DNAH17: variants seen among roughly 807,000 people sequenced by gnomAD.
DNAH17 encodes axonemal beta dynein heavy chain 17.
A neutral mutation model predicts 485.6 loss-of-function variants in DNAH17; 376 were observed. The ratio of observed to expected loss-of-function variants is 0.77; its 90% CI spans 0.71 to 0.84. The LOEUF (loss-of-function observed/expected upper bound fraction) is 0.84. Ranked by LOEUF, DNAH17 falls within the 40% of genes least tolerant of loss-of-function variation. The pLI is 0.00. For missense variants in DNAH17, 6,370 were observed against 5,839.3 expected, an observed-to-expected ratio of 1.09 and a Z score of -2.96; for synonymous variants, 3,031 against 2,405.9, an observed-to-expected ratio of 1.26 and a Z score of -7.60.
chr17:78,569,826 T>C (rs2092324487), intron 7 of DNAH17, among the ~76,000 whole-genome samples: 1 of 152,154 alleles, frequency 6.6e-6, no homozygotes, highest in South Asian at 2.1e-4. Flanking sequence ...AGCATGGTTT[T>C]ATTATATAGA....
intron 55 of DNAH17, 68 bp from the exon 56 acceptor site, chr17:78,466,884 GCAGAAAGCTCTGC>G (rs1400942447): frequency 1.4e-5 from 20 of 1,417,902 alleles, no homozygotes; most frequent in Non-Finnish European, 1.8e-5. Flanking sequence ...CCATCACTCT[GCAGAAAGCTCTGC>G]CAGAAAGCAA....
chr17:78,487,795 G>A (rs979263297), intron 44 of DNAH17, among the ~76,000 whole-genome samples: 7 of 152,152 alleles, frequency 4.6e-5, no homozygotes, highest in African/African-American at 1.4e-4. Flanking sequence ...AAAGTGCTGC[G>A]ATTACAGACA....
rs144054689 is a variant in DNAH17, at chr17:78,432,909, C to CG, written c.12225+1119_12225+1120insC. ...AGAGCAGGCTTCAAACGTGCCCCCC[C>CG]CCCCCGACCCCGGTGCCAGCACCGT... On this transcript the variant is annotated intron_variant, in intron 75 of 80. Coordinates refer to ENST00000389840, the MANE Select transcript of DNAH17 (RefSeq NM_173628.4). Among the ~76,000 whole-genome samples, 26 of 120,750 alleles carry CG rather than the reference C, an allele frequency of 2.2e-4. 2 individuals are homozygous for CG. Among genetic ancestry groups the CG allele is most frequent in the South Asian group, 6.3e-4 (2 of 3,150 alleles). The allele number at this position is 120,750 out of a possible 152,430, so 79.2% of individuals were successfully genotyped here. A position where few individuals can be genotyped will look rare whatever the true frequency, so the allele number is the denominator to read the frequency against.
intron 19 of DNAH17, among the ~76,000 whole-genome samples, chr17:78,535,724 C>G (rs911679790): frequency 3.3e-5 from 5 of 152,188 alleles, no homozygotes; most frequent in African/African-American, 1.2e-4. Context: ...AAGCACTCAC[C>G]CAGATTTTTG....
In DNAH17 at chr17:78,536,799, G is replaced by T. The variant is rs183020526; in HGVS notation, c.2859+500C>A. 5.9e-4 allele frequency among the ~76,000 whole-genome samples: 90 copies of T among 152,262 alleles called. 1 individual carries two copies. The highest frequency in any genetic ancestry group is 1.1e-3 in the Non-Finnish European group (78 of 68,024). ...GAAACCCAGGCAGGTTGACTGAGAA[G>T]AAGCTGCTTTGGGAAGGACGACAGA... On this transcript the variant is annotated intron_variant, in intron 19 of 80. Transcript: ENST00000389840.
chr17:78,450,799 C>G lies in DNAH17; in HGVS notation c.10782G>C (p.Glu3594Asp). Residue 3594 changes from glutamate (E) to aspartate (D), a missense_variant, in exon 67 of 81, where the codon GAG becomes GAC. Glu to Asp is a conservative substitution (Grantham distance 45, BLOSUM62 2). Coordinates refer to ENST00000389840, the MANE Select transcript of DNAH17 (RefSeq NM_173628.4). Reference sequence around the variant, plus strand: ...GACGGGCCAGGAGCGAATCTTCCAGCTCTTTCAGAACAATCTTAAATTCGT... The same window carrying G: ...GACGGGCCAGGAGCGAATCTTCCAGGTCTTTCAGAACAATCTTAAATTCGT... ...SQNEFKIVLK[E>D]LEDSLLARLS... The G allele has an allele frequency of 6.2e-7, 1 of 1,614,062 alleles. No individual in the cohort carries two copies. The highest frequency in any genetic ancestry group is 8.5e-7 in the Non-Finnish European group (1 of 1,179,910).
rs1285057732 is a variant in DNAH17, at chr17:78,474,987, G to GTCATGCGGGCCGGAAGGTTTCACACC, written c.8511+290_8511+291insGGTGTGAAACCTTCCGGCCCGCATGA. Among the ~76,000 whole-genome samples the GTCATGCGGGCCGGAAGGTTTCACACC allele has an allele frequency of 2.7e-3, 315 of 116,364 alleles. 42 individuals carry two copies. Among genetic ancestry groups the GTCATGCGGGCCGGAAGGTTTCACACC allele is most frequent in the Middle Eastern group, 0.011 (2 of 180 alleles). The allele number at this position is 116,364 out of a possible 152,430, so 76.3% of individuals were successfully genotyped here. The stretch of plus-strand genomic sequence containing the variant: ...TCACATGGGCTGGAAGGTTTCACAC[G>GTCATGCGGGCCGGAAGGTTTCACACC]CTTCACCTCAGTCACATGGACATGC... On this transcript the variant is annotated intron_variant, in intron 54 of 80. Transcript: ENST00000389840.
intron 48 of DNAH17, 142 bp from the exon 49 acceptor site, chr17:78,480,928 T>A (rs1234138020): frequency 7.8e-6 from 5 of 641,766 alleles, no homozygotes; most frequent in Non-Finnish European, 1.4e-5. Flanking sequence ...TGGAGTGCAG[T>A]GGCACAATCT....
intron 7 of DNAH17, among the ~76,000 whole-genome samples, chr17:78,569,766 T>C (rs533672114): frequency 2.0e-5 from 3 of 152,314 alleles, no homozygotes; most frequent in South Asian, 4.1e-4. Flanking sequence ...TGAGAGGCCC[T>C]CCAGGGACAG....
intron 22 of DNAH17, 50 bp downstream of exon 22, chr17:78,529,422 G>T (rs1278435635): frequency 1.9e-6 from 3 of 1,589,984 alleles, no homozygotes; most frequent in African/African-American, 1.3e-5. Context: ...TCGCGGCCGG[G>T]ATGGCTCTCC....
chr17:78,572,599 G>T, intron 3 of DNAH17, 102 bp downstream of exon 3: 2 of 1,103,810 alleles, frequency 1.8e-6, no homozygotes, highest in Non-Finnish European at 2.5e-6. Flanking sequence ...ACTCTGCAGG[G>T]AAACAACGGG....
At chr17:78,458,365 C>T (rs1445551797) in intron 62 of DNAH17, 200 bp downstream of exon 62, 15 of 591,304 alleles carry the variant, frequency 2.5e-5, no homozygotes, top group Middle Eastern at 4.5e-4. Flanking sequence ...TGGAACCACG[C>T]GACAGGGCAT....
At chr17:78,468,477 A>G in intron 55 of DNAH17, 140 bp downstream of exon 55, 1 of 1,155,724 alleles carries the variant, frequency 8.7e-7, no homozygotes, top group East Asian at 2.6e-5. Flanking sequence ...AGACAGCCCC[A>G]CCCCTCACAC....
At chr17:78,551,336 T>G (rs1477684471) in intron 16 of DNAH17, among the ~76,000 whole-genome samples, 199 bp downstream of exon 16, 1 of 152,228 alleles carries the variant, frequency 6.6e-6, no homozygotes, top group East Asian at 1.9e-4. Flanking sequence ...GGAGCAGAAC[T>G]GAATTTCACA....
At chr17:78,551,497 C>T (rs1334217413) in intron 16 of DNAH17, 38 bp downstream of exon 16, 2 of 1,596,960 alleles carry the variant, frequency 1.3e-6, no homozygotes, top group Non-Finnish European at 1.7e-6. Context: ...GCCCCAGGCC[C>T]CCACAAAGCC....
chr17:78,545,507 C>T (rs986254853), intron 16 of DNAH17, among the ~76,000 whole-genome samples: 1 of 152,096 alleles, frequency 6.6e-6, no homozygotes, highest in African/African-American at 2.4e-5. Flanking sequence ...TGTGACCTCA[C>T]ATGGCGGAGG....
intron 75 of DNAH17, among the ~76,000 whole-genome samples, chr17:78,431,527 C>A (rs929339828): frequency 2.0e-5 from 3 of 151,100 alleles, no homozygotes; most frequent in African/African-American, 7.3e-5. Context: ...CTCTGTGTTT[C>A]AAAGCAACGT....
intron 31 of DNAH17, among the ~76,000 whole-genome samples, chr17:78,503,517 C>T (rs995495672): frequency 1.6e-4 from 25 of 151,892 alleles, no homozygotes; most frequent in African/African-American, 5.3e-4. Context: ...GATAGGATCT[C>T]GCTCTGCTGC....
chr17:78,471,439 G>C (rs186915818), intron 54 of DNAH17, among the ~76,000 whole-genome samples: 1 of 152,350 alleles, frequency 6.6e-6, no homozygotes, highest in Admixed American at 6.5e-5. Context: ...TTGAGTCAAA[G>C]ACGAATCACT....
Sources: gnomAD v4.1 joint callset for allele counts (sites outside exome capture counted in the v4.1 genomes callset) on GRCh38, gnomAD v4.1.1 for gene constraint, MANE v1.5 for transcripts, NCBI Gene and HGNC (gene_info 2026-07-23, HGNC 2026-07-21) for gene names.